Variants in SPTLC2 observed in about 807,000 individuals in gnomAD.
SPTLC2 encodes the protein serine palmitoyltransferase long chain base subunit 2.
Under a neutral mutation model 62.0 loss-of-function variants are expected in SPTLC2, and 21 were observed. The ratio of observed to expected loss-of-function variants is 0.34; its 90% CI spans 0.24 to 0.49. The LOEUF (loss-of-function observed/expected upper bound fraction) is 0.49, where lower values mean the gene tolerates loss of function less well. Among genes scored for constraint, SPTLC2 ranks in the 20% least tolerant of loss-of-function variants. The pLI is 0.99. For synonymous variants in SPTLC2, 261 were observed against 261.8 expected (o/e 1.00, Z 0.03); for missense variants, 511 against 713.0 (o/e 0.72, Z 3.23).
At chr14:77,557,854 G>A (rs1343697120) in intron 6 of SPTLC2, among the ~76,000 whole-genome samples, 1 of 152,010 alleles carries the variant, frequency 6.6e-6, no homozygotes, top group East Asian at 1.9e-4. Flanking sequence ...AAACAACTTG[G>A]CTGCTACTGC....
chr14:77,519,085 G>A (rs919318158), intron 10 of SPTLC2, among the ~76,000 whole-genome samples: 6 of 152,146 alleles, frequency 3.9e-5, no homozygotes, highest in Non-Finnish European at 5.9e-5. Flanking sequence ...TTGTCGCCAG[G>A]CTGCAGTGCA....
intron 9 of SPTLC2, among the ~76,000 whole-genome samples, chr14:77,542,236 T>G (rs1399512871): frequency 1.3e-5 from 2 of 151,880 alleles, no homozygotes; most frequent in African/African-American, 2.4e-5. Context: ...TTCTTTTGTG[T>G]TTTTTTTCAC....
At chr14:77,586,078 CTTTT>C (rs57174185) in intron 2 of SPTLC2, among the ~76,000 whole-genome samples, 1 of 137,468 alleles carries the variant, frequency 7.3e-6, no homozygotes. Flanking sequence ...TTTCTTTTTT[CTTTT>C]TTTTTTTTTT....
chr14:77,517,806 G>A (rs2079366396), intron 11 of SPTLC2, among the ~76,000 whole-genome samples: 1 of 152,074 alleles, frequency 6.6e-6, no homozygotes, highest in Non-Finnish European at 1.5e-5. Context: ...AGAGTCCATA[G>A]TGAGGGAGAC....
chr14:77,587,700 T>A (rs1241492062), intron 2 of SPTLC2, among the ~76,000 whole-genome samples: 1 of 151,394 alleles, frequency 6.6e-6, no homozygotes, highest in African/African-American at 2.4e-5. Flanking sequence ...GAGGTTGCAG[T>A]GAACCGAGAT....
At chr14:77,541,060 G>C (rs1177747787) in intron 9 of SPTLC2, among the ~76,000 whole-genome samples, 2 of 151,652 alleles carry the variant, frequency 1.3e-5, no homozygotes, top group African/African-American at 4.8e-5. Flanking sequence ...TTGAGTCAGG[G>C]ACTCACTCTG....
chr14:77,555,553 T>C, intron 7 of SPTLC2, 34 bp from the exon 8 acceptor site: 6 of 1,589,486 alleles, frequency 3.8e-6, no homozygotes, highest in Non-Finnish European at 4.3e-6. Flanking sequence ...TATATACACA[T>C]ATACACTGAG....
intron 9 of SPTLC2, among the ~76,000 whole-genome samples, chr14:77,544,221 A>G (rs571055698): frequency 6.6e-6 from 1 of 152,204 alleles, no homozygotes; most frequent in South Asian, 2.1e-4. Context: ...TGTCACCCAG[A>G]CTGGTCTCAA....
At chr14:77,512,581 G>T (rs903656470) in intron 11 of SPTLC2, among the ~76,000 whole-genome samples, 178 bp from the exon 12 acceptor site, 1 of 152,178 alleles carries the variant, frequency 6.6e-6, no homozygotes, top group African/African-American at 2.4e-5. Context: ...TTTGAACAAG[G>T]CCTTCAAGCT....
chr14:77,528,522 C>T (rs1215886713), intron 9 of SPTLC2, among the ~76,000 whole-genome samples: 3 of 151,996 alleles, frequency 2.0e-5, no homozygotes, highest in Admixed American at 6.5e-5. Context: ...TGAGGCACTG[C>T]GCCCAGCCCC....
chr14:77,560,794 T>C (rs948519859), intron 6 of SPTLC2, among the ~76,000 whole-genome samples: 8 of 150,730 alleles, frequency 5.3e-5, no homozygotes, highest in African/African-American at 1.7e-4. Context: ...CACTTGTAAG[T>C]GGGAGCTAAA....
In SPTLC2 at chr14:77,514,731, C is replaced by A. The variant is rs147786147; in HGVS notation, c.1570-2328G>T. 5.6e-3 allele frequency among the ~76,000 whole-genome samples: 852 copies of A among 152,278 alleles called. 3 individuals are homozygous for A. The highest frequency in any genetic ancestry group is 0.037 in the Middle Eastern group (11 of 294). ...TAAGTATATTCACAGAGTTGTGCAA[C>A]TTTTGTCACTATCTAGTTTTAGAGT... On this transcript the variant is annotated intron_variant, in intron 11 of 11. Transcript: ENST00000216484.
chr14:77,558,613 C>T (rs1294959513), intron 6 of SPTLC2, among the ~76,000 whole-genome samples: 1 of 141,548 alleles, frequency 7.1e-6, no homozygotes, highest in Non-Finnish European at 1.5e-5. Flanking sequence ...GACTCAAAGC[C>T]TCCAGTTTTT....
chr14:77,597,075 A>G (rs1595013158), intron 2 of SPTLC2, 111 bp downstream of exon 2: 1 of 1,006,726 alleles, frequency 9.9e-7, no homozygotes, highest in Non-Finnish European at 1.5e-6. Flanking sequence ...CATCTGGAAT[A>G]GTTTAATTTT....
chr14:77,551,559 A>G (rs930760884), intron 9 of SPTLC2, among the ~76,000 whole-genome samples: 2 of 152,190 alleles, frequency 1.3e-5, no homozygotes, highest in African/African-American at 4.8e-5. Context: ...AATGTCAGAA[A>G]GTGAACACTG....
chr14:77,559,180 G>C (rs778131796), intron 6 of SPTLC2, among the ~76,000 whole-genome samples: 2 of 152,050 alleles, frequency 1.3e-5, no homozygotes, highest in Admixed American at 1.3e-4. Context: ...AAAATTAGCC[G>C]GTTGTGGTGG....
chr14:77,555,207 T>A, intron 8 of SPTLC2, 93 bp downstream of exon 8: 1 of 1,494,684 alleles, frequency 6.7e-7, no homozygotes, highest in South Asian at 1.1e-5. Context: ...TTTGCGGACA[T>A]CCCAGTTCAG....
chr14:77,573,038 CT>C (rs971726035), intron 4 of SPTLC2, among the ~76,000 whole-genome samples: 1 of 152,118 alleles, frequency 6.6e-6, no homozygotes, highest in Non-Finnish European at 1.5e-5. Flanking sequence ...TCTTCGAGAA[CT>C]TTTTTTGCAT....
intron 4 of SPTLC2, among the ~76,000 whole-genome samples, chr14:77,574,383 A>C (rs2140037329): frequency 6.6e-6 from 1 of 152,362 alleles, no homozygotes; most frequent in East Asian, 1.9e-4. Context: ...AGGAACCCTC[A>C]TACATCGATG....
Sources: gnomAD v4.1 joint callset for allele counts (sites outside exome capture counted in the v4.1 genomes callset) on GRCh38, gnomAD v4.1.1 for gene constraint, MANE v1.5 for transcripts, NCBI Gene and HGNC (gene_info 2026-07-23, HGNC 2026-07-21) for gene names.